The following INPP4B variants were observed in gnomAD, a reference collection of about 807,000 sequenced individuals.
INPP4B encodes the protein inositol polyphosphate 4-phosphatase type II.
Under a neutral mutation model 122.5 loss-of-function variants are expected in INPP4B, and 55 were observed. The ratio of observed to expected loss-of-function variants is 0.45; its 90% CI spans 0.36 to 0.56. The LOEUF (loss-of-function observed/expected upper bound fraction) is 0.56, where lower values mean the gene tolerates loss of function less well. Ranked by LOEUF, INPP4B falls within the 20% of genes least tolerant of loss-of-function variation. The pLI, the probability that INPP4B is intolerant of heterozygous loss-of-function variation, is 0.00. For missense variants in INPP4B, 1,000 were observed against 1,097.7 expected (o/e 0.91, Z 1.26); for synonymous variants, 403 against 388.7 (o/e 1.04, Z -0.43).
intron 24 of INPP4B, among the ~76,000 whole-genome samples, chr4:142,082,866 C>G (rs920520880): frequency 2.0e-5 from 3 of 152,182 alleles, no homozygotes; most frequent in Non-Finnish European, 2.9e-5. Flanking sequence ...GCGGCTCATG[C>G]CTGTAATCCT....
chr4:142,568,773 C>T (rs1483510993), intron 2 of INPP4B, among the ~76,000 whole-genome samples: 3 of 152,070 alleles, frequency 2.0e-5, no homozygotes, highest in Non-Finnish European at 4.4e-5. Flanking sequence ...TTTAGCGCCA[C>T]TCAGGATTGA....
intron 11 of INPP4B, among the ~76,000 whole-genome samples, chr4:142,251,746 A>G (rs2150200297): frequency 6.6e-6 from 1 of 152,350 alleles, no homozygotes; most frequent in Admixed American, 6.5e-5. Context: ...GTGTATAAAC[A>G]GAGCCAAAGG....
intron 18 of INPP4B, among the ~76,000 whole-genome samples, chr4:142,137,167 A>G (rs1247486498): frequency 6.6e-6 from 1 of 152,186 alleles, no homozygotes; most frequent in Non-Finnish European, 1.5e-5. Context: ...AAACAGCATG[A>G]TACTGGTACC....
chr4:142,798,113 G>GA (rs1258412274), intron 1 of INPP4B, among the ~76,000 whole-genome samples: 1 of 151,758 alleles, frequency 6.6e-6, no homozygotes, highest in Non-Finnish European at 1.5e-5. Context: ...TAAGTCAAAT[G>GA]AAATTACTGA....
At chr4:142,552,204 A>G (rs1482080443) in intron 2 of INPP4B, among the ~76,000 whole-genome samples, 1 of 152,220 alleles carries the variant, frequency 6.6e-6, no homozygotes, top group Non-Finnish European at 1.5e-5. Flanking sequence ...ATGAGCTCTC[A>G]AAAGCAATGC....
chr4:142,616,443 G>T (rs1480423574), intron 2 of INPP4B, among the ~76,000 whole-genome samples: 2 of 152,094 alleles, frequency 1.3e-5, no homozygotes, highest in African/African-American at 4.8e-5. Context: ...TTATTTCTGA[G>T]ACCTCTCAAT....
chr4:142,659,976 G>A (rs1489927768), intron 2 of INPP4B, among the ~76,000 whole-genome samples: 2 of 151,814 alleles, frequency 1.3e-5, no homozygotes, highest in Non-Finnish European at 2.9e-5. Context: ...GGATCCAGAG[G>A]CAGATAACAA....
intron 10 of INPP4B, among the ~76,000 whole-genome samples, chr4:142,269,781 T>C (rs1744859814): frequency 6.6e-6 from 1 of 152,184 alleles, no homozygotes; most frequent in Non-Finnish European, 1.5e-5. Flanking sequence ...GATTAATCAT[T>C]CCATAACGTA....
intron 14 of INPP4B, among the ~76,000 whole-genome samples, chr4:142,203,246 C>A (rs1049559834): frequency 6.6e-6 from 1 of 152,096 alleles, no homozygotes; most frequent in African/African-American, 2.4e-5. Flanking sequence ...GTTAGCTATA[C>A]ATTAATAATG....
At chr4:142,616,874 G>C (rs1475408311) in intron 2 of INPP4B, among the ~76,000 whole-genome samples, 2 of 152,036 alleles carry the variant, frequency 1.3e-5, no homozygotes, top group Non-Finnish European at 2.9e-5. Context: ...CTTGTAAGTG[G>C]GAGCTAAAGA....
At chr4:142,757,515 T>C (rs751297290) in intron 1 of INPP4B, among the ~76,000 whole-genome samples, 2 of 152,176 alleles carry the variant, frequency 1.3e-5, no homozygotes, top group South Asian at 2.1e-4. Context: ...CAGAATGTCA[T>C]GTAGTTGGAA....
intron 23 of INPP4B, among the ~76,000 whole-genome samples, chr4:142,088,296 G>C (rs569280238): frequency 6.6e-6 from 1 of 152,264 alleles, no homozygotes; most frequent in Non-Finnish European, 1.5e-5. Context: ...TGGCATGCAA[G>C]AAATAAGAAG....
At chr4:142,405,022 T>C (rs1667468510) in intron 6 of INPP4B, among the ~76,000 whole-genome samples, 184 bp downstream of exon 6, 1 of 150,570 alleles carries the variant, frequency 6.6e-6, no homozygotes, top group African/African-American at 2.4e-5. Context: ...CTCAGGTATG[T>C]GCTTCTTAAT....
chr4:142,307,884 C>T (rs1338760957), intron 8 of INPP4B, among the ~76,000 whole-genome samples: 1 of 152,172 alleles, frequency 6.6e-6, no homozygotes, highest in Non-Finnish European at 1.5e-5. Context: ...GCTGGCTACA[C>T]ATGTCATGAG....
chr4:142,270,857 A>C, intron 9 of INPP4B, 83 bp from the exon 10 acceptor site: 1 of 876,310 alleles, frequency 1.1e-6, no homozygotes. Context: ...GTTTCTGAAA[A>C]CCACCAGCAT....
chr4:142,642,167 C>G (rs1285985313), intron 2 of INPP4B, among the ~76,000 whole-genome samples: 9 of 151,734 alleles, frequency 5.9e-5, no homozygotes, highest in Non-Finnish European at 1.2e-4. Flanking sequence ...CTGGATATTA[C>G]CCCTTTGTCA....
At chr4:142,644,740 TAAAAAAAAAAAAAA>T (rs55700762) in intron 2 of INPP4B, among the ~76,000 whole-genome samples, 1 of 71,046 alleles carries the variant, frequency 1.4e-5, no homozygotes, top group Non-Finnish European at 2.7e-5. Flanking sequence ...CATCTCTACT[TAAAAAAAAAAAAAA>T]AAAAAAAAAA....
At chr4:142,703,908 A>G (rs1167299938) in intron 2 of INPP4B, among the ~76,000 whole-genome samples, 1 of 152,206 alleles carries the variant, frequency 6.6e-6, no homozygotes, top group Non-Finnish European at 1.5e-5. Context: ...GTATGAGAAC[A>G]TTACCTTCAA....
intron 2 of INPP4B, among the ~76,000 whole-genome samples, chr4:142,643,652 A>G (rs1414122216): frequency 1.3e-5 from 2 of 152,210 alleles, no homozygotes; most frequent in African/African-American, 4.8e-5. Context: ...TGTTCATCTC[A>G]CTTCATTGTT....
Sources: gnomAD v4.1 joint callset for allele counts (sites outside exome capture counted in the v4.1 genomes callset) on GRCh38, gnomAD v4.1.1 for gene constraint, MANE v1.5 for transcripts, NCBI Gene and HGNC (gene_info 2026-07-23, HGNC 2026-07-21) for gene names.